LHX4: variants seen among roughly 807,000 people sequenced by gnomAD.
LHX4 encodes the protein LIM homeobox 4.
In LHX4, 16 loss-of-function variants were observed where a neutral mutation model predicts 39.2. That is an observed-to-expected ratio of 0.41 (90% confidence interval 0.28 to 0.62). LHX4 has a LOEUF of 0.62. LHX4 is among the 20% of genes least tolerant of loss of function. LHX4 has a pLI of 0.33. For missense variants in LHX4, 439 were observed against 511.9 expected, an observed-to-expected ratio of 0.86 and a Z score of 1.37; for synonymous variants, 206 against 198.1, an observed-to-expected ratio of 1.04 and a Z score of -0.33.
intron 3 of LHX4, among the ~76,000 whole-genome samples, chr1:180,268,836 G>C (rs151293565): frequency 2.6e-5 from 4 of 152,108 alleles, no homozygotes; most frequent in Non-Finnish European, 4.4e-5. Flanking sequence ...TTGGAGCAGC[G>C]GGGAGTTCTG....
intron 2 of LHX4, among the ~76,000 whole-genome samples, chr1:180,265,353 C>T (rs1373874546): frequency 6.6e-6 from 1 of 152,226 alleles, no homozygotes; most frequent in Admixed American, 6.5e-5. Context: ...CCTCCTGAAG[C>T]GGGGAAGGCT....
At chr1:180,256,735 C>T (rs560449207) in intron 2 of LHX4, among the ~76,000 whole-genome samples, 1 of 152,158 alleles carries the variant, frequency 6.6e-6, no homozygotes, top group Non-Finnish European at 1.5e-5. Flanking sequence ...GGTGGCTTTT[C>T]TCTCAGTAAG....
chr1:180,271,025 A>G (rs1648616787), intron 3 of LHX4: 3 of 358,068 alleles, frequency 8.4e-6, no homozygotes, highest in South Asian at 6.8e-5. Flanking sequence ...CAGCTCTGGC[A>G]AGAACTCATG....
chr1:180,251,692 G>T (rs759499876), intron 2 of LHX4, among the ~76,000 whole-genome samples: 1 of 152,186 alleles, frequency 6.6e-6, no homozygotes, highest in Non-Finnish European at 1.5e-5. Flanking sequence ...CTTTGAGTGA[G>T]GGAGGCCCAG....
rs993654869 is a variant in LHX4 at position 180,266,630 on chromosome 1, G to A, written c.451+36G>A. The A allele has an allele frequency of 6.2e-7, 1 of 1,601,226 alleles. No individual in the cohort carries two copies. Among genetic ancestry groups the A allele is most frequent in the Non-Finnish European group, 8.5e-7 (1 of 1,171,866 alleles). The stretch of plus-strand genomic sequence containing the variant: ...TGGCCCCGCATGGTCCCCTCTCCAG[G>A]CCTTTGTTTGGGCCACGCCCTCTGC... On this transcript the variant is annotated intron_variant, in intron 3 of 5. Transcript: ENST00000263726. The surrounding 1 kb of genome is among the most constrained non-coding windows in gnomAD (Gnocchi z 5.7).
intron 1 of LHX4, among the ~76,000 whole-genome samples, chr1:180,240,282 C>T (rs1482743979): frequency 6.6e-6 from 1 of 152,216 alleles, no homozygotes; most frequent in African/African-American, 2.4e-5. Context: ...AATCCTCTCA[C>T]CTTGGCCTCC....
chr1:180,242,190 G>A (rs1664457069), intron 1 of LHX4, among the ~76,000 whole-genome samples: 1 of 152,140 alleles, frequency 6.6e-6, no homozygotes, highest in Non-Finnish European at 1.5e-5. Flanking sequence ...GACAGAGCTT[G>A]ATTTCAGAAT....
chr1:180,230,369 C>T lies in LHX4; in HGVS notation c.-161C>T. On this transcript the variant is annotated 5_prime_UTR_variant, in exon 1 of 6. An upstream open reading frame in the 5' UTR gains an earlier in-frame stop. Transcript: ENST00000263726. The surrounding 1 kb of genome is among the most constrained non-coding windows in gnomAD (Gnocchi z 5.8). ...GGACTGGCGGGGGGAGGGGGCCGGC[C>T]AGCCTGTGGAGTCCTCCCTGAGAAG... 1.5e-6 allele frequency: 1 copy of T among 666,646 alleles called. No individual in the cohort carries two copies. The highest frequency in any genetic ancestry group is 1.7e-5 in the South Asian group (1 of 59,654). 41.3% of individuals were successfully genotyped at this position (666,646 alleles called of 1,614,324 possible). A position where few individuals can be genotyped will look rare whatever the true frequency, so the allele number is the denominator to read the frequency against.
chr1:180,267,943 C>T (rs1355712705), intron 3 of LHX4, among the ~76,000 whole-genome samples: 2 of 152,100 alleles, frequency 1.3e-5, no homozygotes, highest in Non-Finnish European at 2.9e-5. Flanking sequence ...GTGGGCAGGG[C>T]TTCCTGTCTC....
chr1:180,267,559 G>A (rs1648373772), intron 3 of LHX4, among the ~76,000 whole-genome samples: 1 of 152,216 alleles, frequency 6.6e-6, no homozygotes, highest in African/African-American at 2.4e-5. Context: ...GTCAGGCCCT[G>A]GCTCTGAATT....
At chr1:180,251,589 G>A (rs1469702233) in intron 2 of LHX4, among the ~76,000 whole-genome samples, 1 of 152,206 alleles carries the variant, frequency 6.6e-6, no homozygotes, top group Non-Finnish European at 1.5e-5. Flanking sequence ...TTTGTCCATA[G>A]GCCACTGCTG....
Position 180,271,404 on chromosome 1 carries a change from G to C in LHX4, c.476G>C (p.Arg159Pro). The stretch of plus-strand genomic sequence containing the variant: ...GATGACTCAGAGGCTGGAGCTAAGC[G>C]GCCCCGGACCACCATCACAGCCAAG... ...QNDDSEAGAK[R>P]PRTTITAKQL... The change falls in exon 4 of 6, where the codon CGG becomes CCG. Residue 159 changes from arginine to proline, a missense_variant. Transcript: ENST00000263726. The C allele has an allele frequency of 6.2e-7, 1 of 1,614,158 alleles. No individual in the cohort carries two copies. Among genetic ancestry groups the C allele is most frequent in the Non-Finnish European group, 8.5e-7 (1 of 1,180,030 alleles).
intron 2 of LHX4, 137 bp downstream of exon 2, chr1:180,248,593 A>G (rs886511463): frequency 8.9e-6 from 8 of 898,620 alleles, no homozygotes; most frequent in Admixed American, 7.9e-5. Flanking sequence ...CCTGGAGCTG[A>G]GAGGATGCCC....
rs536912615 is a variant in LHX4 at position 180,278,887 on chromosome 1, A to T, written c.*4308A>T. 6.6e-6 allele frequency: 1 copy of T among 152,330 alleles called. No homozygotes were observed. Among genetic ancestry groups the T allele is most frequent in the African/African-American group, 2.4e-5 (1 of 41,576 alleles). 9.4% of individuals were successfully genotyped at this position (152,330 alleles called of 1,614,324 possible). ...TTATTTATTGCCATATGACTTTGGA[A>T]AACAGAAGCTGGTGCGTTTGTTTGT... On this transcript the variant is annotated 3_prime_UTR_variant, in exon 6 of 6. Transcript: ENST00000263726.
Position 180,234,365 on chromosome 1 carries a change from C to T in LHX4, c.76+3760C>T, listed in dbSNP as rs1201941817. Among the ~76,000 whole-genome samples, 6 of 152,102 alleles carry T rather than the reference C, an allele frequency of 3.9e-5. No individual in the cohort carries two copies. The East Asian group carries it at 1.2e-3, about 29-fold the overall frequency. On this transcript the variant is annotated intron_variant, in intron 1 of 5. Coordinates refer to ENST00000263726, the MANE Select transcript of LHX4 (RefSeq NM_033343.4). This position sits in a 1 kb window ranked among gnomAD's most constrained non-coding sequence, Gnocchi z 4.8. Reference sequence around the variant, plus strand: ...GGTCAGCTGTCCCCGCCGGCCGATTCGGGCCTGATGGGTTGGGGGTTCCGA... The same window carrying T: ...GGTCAGCTGTCCCCGCCGGCCGATTTGGGCCTGATGGGTTGGGGGTTCCGA...
chr1:180,260,764 G>T (rs1012301716), intron 2 of LHX4, among the ~76,000 whole-genome samples: 2 of 151,832 alleles, frequency 1.3e-5, no homozygotes, highest in South Asian at 2.1e-4. Flanking sequence ...ACATGAGGGG[G>T]ACAGGCCCTC....
chr1:180,232,619 G>A lies in LHX4; in HGVS notation c.76+2014G>A, dbSNP rs901668947. Among the ~76,000 whole-genome samples the A allele has an allele frequency of 1.3e-5, 2 of 152,240 alleles. No homozygotes were observed. The highest frequency in any genetic ancestry group is 2.9e-5 in the Non-Finnish European group (2 of 68,044). On this transcript the variant is annotated intron_variant, in intron 1 of 5. Coordinates refer to ENST00000263726, the MANE Select transcript of LHX4 (RefSeq NM_033343.4). This position sits in a 1 kb window ranked among gnomAD's most constrained non-coding sequence, Gnocchi z 5.4. The stretch of plus-strand genomic sequence containing the variant: ...GAGTTTCGTGACCTTGGTTGGAGGA[G>A]GCATCGGCCAAAATTGAGGGGCCCA...
chr1:180,268,237 T>A (rs573320559), intron 3 of LHX4, among the ~76,000 whole-genome samples: 1 of 152,284 alleles, frequency 6.6e-6, no homozygotes, highest in South Asian at 2.1e-4. Flanking sequence ...GTGCCGTTCA[T>A]CAGAGATACT....
Position 180,255,420 on chromosome 1 carries a change from A to G in LHX4, c.248+6964A>G, listed in dbSNP as rs556305390. On this transcript the variant is annotated intron_variant, in intron 2 of 5. Coordinates refer to ENST00000263726, the MANE Select transcript of LHX4 (RefSeq NM_033343.4). ...CGCGTGCACACACATGCACACACAC[A>G]GTGCTCTAGCAGAATGTGCTTAAGG... 5.9e-5 allele frequency among the ~76,000 whole-genome samples: 9 copies of G among 152,340 alleles called. No homozygotes were observed. The East Asian group carries it at 1.2e-3, about 20-fold the overall frequency.
Sources: gnomAD v4.1 joint callset for allele counts (sites outside exome capture counted in the v4.1 genomes callset) on GRCh38, gnomAD v4.1.1 for gene constraint, Gnocchi (gnomAD v3.1) non-coding constraint, MANE v1.5 for transcripts, NCBI Gene and HGNC (gene_info 2026-07-23, HGNC 2026-07-21) for gene names.